CTDSPL: variants seen among roughly 807,000 people sequenced by gnomAD.
CTDSPL encodes the protein CTD small phosphatase like, also known as CTD small phosphatase-like protein.
In CTDSPL, 8 loss-of-function variants were observed where a neutral mutation model predicts 30.5. The ratio of observed to expected loss-of-function variants is 0.26; its 90% CI spans 0.15 to 0.47. The LOEUF (loss-of-function observed/expected upper bound fraction) is 0.47, where lower values mean the gene tolerates loss of function less well. CTDSPL is among the 20% of genes least tolerant of loss of function. CTDSPL has a pLI of 0.99. For missense variants in CTDSPL, 248 were observed against 366.1 expected (o/e 0.68, Z 2.63); for synonymous variants, 110 against 137.9 (o/e 0.80, Z 1.42).
intron 1 of CTDSPL, among the ~76,000 whole-genome samples, chr3:37,886,446 T>G (rs1698264460): frequency 6.6e-6 from 1 of 152,150 alleles, no homozygotes; most frequent in Non-Finnish European, 1.5e-5. Context: ...ATACCCTACT[T>G]TAGCCCATAG....
intron 1 of CTDSPL, among the ~76,000 whole-genome samples, chr3:37,893,861 G>T (rs900852006): frequency 2.0e-5 from 3 of 152,038 alleles, no homozygotes; most frequent in African/African-American, 7.2e-5. Flanking sequence ...TTGTTTTGTT[G>T]ATTTTTCCCC....
intron 3 of CTDSPL, 65 bp from the exon 4 acceptor site, chr3:37,964,506 A>G: frequency 9.4e-6 from 10 of 1,063,990 alleles, no homozygotes; most frequent in East Asian, 2.4e-5. Context: ...TGAAAGTAGT[A>G]TAATGCAATA....
Position 37,914,306 on chromosome 3 carries a change from C to T in CTDSPL, c.80-32751C>T, listed in dbSNP as rs187366168. Among the ~76,000 whole-genome samples the T allele has an allele frequency of 1.3e-3, 198 of 152,240 alleles. 2 individuals are homozygous for T. Among genetic ancestry groups the T allele is most frequent in the Admixed American group, 8.3e-3 (127 of 15,296 alleles). Reference sequence around the variant, plus strand: ...TTATCTGCAGATTGTTTTGGATTTTCTACACATACCATTAAAATTCTGTGA... The same window carrying T: ...TTATCTGCAGATTGTTTTGGATTTTTTACACATACCATTAAAATTCTGTGA... On this transcript the variant is annotated intron_variant, in intron 1 of 7. Transcript: ENST00000273179.
chr3:37,970,986 A>G (rs935929710), intron 5 of CTDSPL, among the ~76,000 whole-genome samples: 1 of 152,172 alleles, frequency 6.6e-6, no homozygotes, highest in Non-Finnish European at 1.5e-5. Flanking sequence ...GCTGGGCAAT[A>G]TGCTGGGCCT....
At chr3:37,954,167 G>A (rs1239735391) in intron 2 of CTDSPL, among the ~76,000 whole-genome samples, 2 of 152,212 alleles carry the variant, frequency 1.3e-5, no homozygotes, top group African/African-American at 4.8e-5. Flanking sequence ...AGCTTTCCTG[G>A]AGTACTCAGC....
chr3:37,913,568 G>C (rs557048290), intron 1 of CTDSPL, among the ~76,000 whole-genome samples: 15 of 152,316 alleles, frequency 9.8e-5, no homozygotes, highest in Non-Finnish European at 2.2e-4. Context: ...CTTTTGAGTA[G>C]AAATGAGAAT....
intron 1 of CTDSPL, among the ~76,000 whole-genome samples, chr3:37,867,856 G>A (rs1339673718): frequency 6.6e-6 from 1 of 151,992 alleles, no homozygotes; most frequent in Non-Finnish European, 1.5e-5. Flanking sequence ...TTCATTTTTT[G>A]TAGCTTTATG....
rs938821098 is a variant in CTDSPL, at chr3:37,975,399, G to C, written c.520-310G>C. On this transcript the variant is annotated intron_variant, in intron 6 of 7. Transcript: ENST00000273179. This position sits in a 1 kb window ranked among gnomAD's most constrained non-coding sequence, Gnocchi z 4.9. ...CCCGTGGGAAAGACAGGTTTTTCAC[G>C]AGGCTCACACAGCCATCCCAGGCCA... Among the ~76,000 whole-genome samples, 2 of 152,172 alleles carry C rather than the reference G, an allele frequency of 1.3e-5. No individual in the cohort carries two copies. The highest frequency in any genetic ancestry group is 1.3e-4 in the Admixed American group (2 of 15,280).
At chr3:37,934,737 G>C (rs958459962) in intron 1 of CTDSPL, among the ~76,000 whole-genome samples, 1 of 152,200 alleles carries the variant, frequency 6.6e-6, no homozygotes, top group African/African-American at 2.4e-5. Flanking sequence ...GGGATTCCTG[G>C]GAAAGTGGCG....
At chr3:37,935,390 A>T (rs1698903726) in intron 1 of CTDSPL, among the ~76,000 whole-genome samples, 1 of 151,736 alleles carries the variant, frequency 6.6e-6, no homozygotes, top group Admixed American at 6.6e-5. Flanking sequence ...TTTAACCTTT[A>T]CTTCCTCTTA....
chr3:37,923,692 A>G (rs1320264620), intron 1 of CTDSPL, among the ~76,000 whole-genome samples: 1 of 152,170 alleles, frequency 6.6e-6, no homozygotes, highest in Non-Finnish European at 1.5e-5. Flanking sequence ...GCTAAAAACT[A>G]TAGGCTGTCA....
intron 1 of CTDSPL, among the ~76,000 whole-genome samples, chr3:37,927,684 G>GTATA (rs71094933): frequency 0.012 from 1,462 of 117,734 alleles, 32 homozygotes; most frequent in African/African-American, 0.039. Flanking sequence ...GTGTGTATGT[G>GTATA]TATATATATA....
intron 1 of CTDSPL, among the ~76,000 whole-genome samples, chr3:37,886,468 CT>C (rs996547994): frequency 7.9e-5 from 12 of 152,110 alleles, no homozygotes; most frequent in African/African-American, 2.9e-4. Context: ...GATTTTTGCC[CT>C]TCCAGTTACT....
intron 1 of CTDSPL, among the ~76,000 whole-genome samples, chr3:37,874,593 G>C (rs1698112537): frequency 6.6e-6 from 1 of 152,142 alleles, no homozygotes; most frequent in African/African-American, 2.4e-5. Context: ...AGCTGGGCGT[G>C]GTGGCACGCA....
intron 1 of CTDSPL, among the ~76,000 whole-genome samples, chr3:37,940,959 G>T (rs1698971053): frequency 6.7e-6 from 1 of 150,350 alleles, no homozygotes; most frequent in African/African-American, 2.4e-5. Context: ...GAAGGCAGTT[G>T]TCTATATGTG....
Position 37,920,258 on chromosome 3 carries a change from G to A in CTDSPL, c.80-26799G>A, listed in dbSNP as rs369587388. Among the ~76,000 whole-genome samples, 6 of 152,286 alleles carry A rather than the reference G, an allele frequency of 3.9e-5. No individual in the cohort carries two copies. The South Asian group carries it at 1.0e-3, about 26-fold the overall frequency. Reference sequence around the variant, plus strand: ...TTGTCTTGAGGGCAGAACCAGCCTGGACTGTTGCCGGAGGTGAGATCCCCA... The same window carrying A: ...TTGTCTTGAGGGCAGAACCAGCCTGAACTGTTGCCGGAGGTGAGATCCCCA... On this transcript the variant is annotated intron_variant, in intron 1 of 7. Transcript: ENST00000273179.
chr3:37,981,391 G>A lies in CTDSPL; in HGVS notation c.*524G>A, dbSNP rs571788507. ...GAACATGACAATTTTCTAGAACCTG[G>A]TAGCGTGTGTGTGTGTGGCGGGGGG... On this transcript the variant is annotated 3_prime_UTR_variant, in exon 8 of 8. Coordinates refer to ENST00000273179, the MANE Select transcript of CTDSPL (RefSeq NM_001008392.2). 3.0e-5 allele frequency: 5 copies of A among 165,678 alleles called. No homozygotes were observed. In the South Asian group the frequency reaches 6.9e-4, roughly 23 times the overall value. 10.3% of individuals were successfully genotyped at this position (165,678 alleles called of 1,614,324 possible).
At chr3:37,954,850 A>T (rs572533555) in intron 2 of CTDSPL, 1 of 152,380 alleles carries the variant, frequency 6.6e-6, no homozygotes, top group East Asian at 1.9e-4. Context: ...CGTAAAACAG[A>T]TTGCTGGACA....
At chr3:37,892,913 G>C (rs938223437) in intron 1 of CTDSPL, among the ~76,000 whole-genome samples, 1 of 152,208 alleles carries the variant, frequency 6.6e-6, no homozygotes, top group African/African-American at 2.4e-5. Flanking sequence ...GCTCTAAGGT[G>C]ATCTTTAGGG....
Sources: allele counts gnomAD v4.1 joint callset (sites outside exome capture counted in the v4.1 genomes callset), GRCh38; gene constraint gnomAD v4.1.1; non-coding constraint Gnocchi (gnomAD v3.1); transcripts MANE v1.5; gene names NCBI Gene and HGNC (gene_info 2026-07-23, HGNC 2026-07-21).